Variants in SHISA9 observed in about 807,000 individuals in gnomAD.
SHISA9 encodes the protein shisa family member 9, also known as protein shisa-9.
SHISA9 carries 13 observed loss-of-function variants against 38.0 expected under a neutral mutation model. That is an observed-to-expected ratio of 0.34 (90% CI 0.22 to 0.54). The LOEUF (loss-of-function observed/expected upper bound fraction) is 0.54, where lower values mean the gene tolerates loss of function less well. Among genes scored for constraint, SHISA9 ranks in the 20% least tolerant of loss-of-function variants. The pLI is 0.91. For synonymous variants in SHISA9, 275 were observed against 242.0 expected (o/e 1.14, Z -1.27); for missense variants, 538 against 575.8 (o/e 0.93, Z 0.67).
chr16:13,093,906 T>C (rs143584657), intron 2 of SHISA9, among the ~76,000 whole-genome samples: 2 of 152,230 alleles, frequency 1.3e-5, no homozygotes, highest in Non-Finnish European at 2.9e-5. Context: ...AGGATTTAAA[T>C]AGGTGTGGCT....
At chr16:13,178,418 C>T (rs536157960) in intron 2 of SHISA9, among the ~76,000 whole-genome samples, 107 of 151,762 alleles carry the variant, frequency 7.1e-4, no homozygotes, top group African/African-American at 2.4e-3. Context: ...GACGATGCTT[C>T]TGCCTCCCAT....
At chr16:13,354,837 G>C in the SHISA9 span, among the ~76,000 whole-genome samples, 1 of 152,186 alleles carries the variant, frequency 6.6e-6, no homozygotes, top group Non-Finnish European at 1.5e-5. Flanking sequence ...TTGGCAGGGA[G>C]AGCACGTGTG....
chr16:13,190,338 T>C (rs961470857), intron 2 of SHISA9, among the ~76,000 whole-genome samples: 1 of 151,962 alleles, frequency 6.6e-6, no homozygotes, highest in Non-Finnish European at 1.5e-5. Context: ...AAACACCCTT[T>C]AGTCTTTAGA....
chr16:13,137,405 T>C lies in SHISA9; in HGVS notation c.692-65989T>C, dbSNP rs138949648. Among the ~76,000 whole-genome samples, 13 of 152,276 alleles carry C rather than the reference T, an allele frequency of 8.5e-5. No individual in the cohort carries two copies. In the East Asian group the frequency reaches 2.3e-3, roughly 27 times the overall value. ...ATCTATTAGCATAAATAGTGTTGAATTGATCACACTAGGGAGGCTCGTTAG... is the reference window on the plus strand; with the variant it reads ...ATCTATTAGCATAAATAGTGTTGAACTGATCACACTAGGGAGGCTCGTTAG... On this transcript the variant is annotated intron_variant, in intron 2 of 4. Coordinates refer to ENST00000558583, the MANE Select transcript of SHISA9 (RefSeq NM_001145204.3).
At chr16:12,981,345 ACT>A (rs1406086064) in intron 2 of SHISA9, among the ~76,000 whole-genome samples, 1 of 152,220 alleles carries the variant, frequency 6.6e-6, no homozygotes, top group Non-Finnish European at 1.5e-5. Flanking sequence ...AGGGGCAGGC[ACT>A]GTTTGCCCCA....
the SHISA9 span, among the ~76,000 whole-genome samples, chr16:13,473,072 C>G: frequency 5.3e-5 from 8 of 152,044 alleles, no homozygotes; most frequent in African/African-American, 1.7e-4. Context: ...GTAAATTATG[C>G]CTTGTTGGAT....
chr16:13,530,302 A>G, the SHISA9 span, among the ~76,000 whole-genome samples: 1 of 152,108 alleles, frequency 6.6e-6, no homozygotes, highest in East Asian at 1.9e-4. Context: ...CTCCGTCTCA[A>G]AAAATAAATA....
chr16:12,920,066 G>A (rs544485117), intron 2 of SHISA9, among the ~76,000 whole-genome samples: 2 of 152,262 alleles, frequency 1.3e-5, no homozygotes, highest in East Asian at 1.9e-4. Context: ...GTCTTCTTAA[G>A]GATGGAAGAC....
chr16:13,238,872 A>G lies in SHISA9; in HGVS notation c.*3463A>G, dbSNP rs1423406959. 1 of 147,566 alleles carries G rather than the reference A, an allele frequency of 6.8e-6. No homozygotes were observed. Among genetic ancestry groups the G allele is most frequent in the African/African-American group, 2.5e-5 (1 of 40,210 alleles). The allele number at this position is 147,566 out of a possible 1,614,324, so 9.1% of individuals were successfully genotyped here. A position where few individuals can be genotyped will look rare whatever the true frequency, so the allele number is the denominator to read the frequency against. On this transcript the variant is annotated 3_prime_UTR_variant, in exon 5 of 5. Coordinates refer to ENST00000558583, the MANE Select transcript of SHISA9 (RefSeq NM_001145204.3). ...TATTATACTTTAAGTTTTAGGGTAC[A>G]TGTGCACAATGTGCAGGTTAGTTAC...
intron 2 of SHISA9, among the ~76,000 whole-genome samples, chr16:13,146,944 T>C (rs1158447307): frequency 6.6e-6 from 1 of 152,222 alleles, no homozygotes; most frequent in Non-Finnish European, 1.5e-5. Flanking sequence ...ATACTTTTTG[T>C]TTGGCACATT....
At chr16:13,015,886 CTTTCTTTCTTTCTTTCTT>C (rs1567182382) in intron 2 of SHISA9, among the ~76,000 whole-genome samples, 11 of 113,338 alleles carry the variant, frequency 9.7e-5, no homozygotes, top group Non-Finnish European at 1.4e-4. Context: ...TTCTTTCTTT[CTTTCTTTCTTTCTTTCTT>C]TCTTTTCTTT....
the SHISA9 span, among the ~76,000 whole-genome samples, chr16:13,511,738 C>G: frequency 1.1e-4 from 16 of 151,618 alleles, no homozygotes; most frequent in African/African-American, 3.6e-4. Flanking sequence ...TCAGAGAGAC[C>G]AAGATAACTG....
chr16:13,289,796 A>G, the SHISA9 span, among the ~76,000 whole-genome samples: 1 of 152,100 alleles, frequency 6.6e-6, no homozygotes, highest in East Asian at 1.9e-4. Flanking sequence ...TTTTTCTTTG[A>G]TCACTGTAAG....
the SHISA9 span, among the ~76,000 whole-genome samples, chr16:13,488,461 A>G: frequency 0.015 from 2,278 of 152,270 alleles, 53 homozygotes; most frequent in African/African-American, 0.051. Flanking sequence ...ACCCTCTTAC[A>G]TATACATTAC....
At chr16:13,193,762 G>T (rs1326106437) in intron 2 of SHISA9, among the ~76,000 whole-genome samples, 1 of 152,226 alleles carries the variant, frequency 6.6e-6, no homozygotes, top group African/African-American at 2.4e-5. Context: ...CAACTGTGTA[G>T]GGCCCATTGC....
the SHISA9 span, chr16:13,350,263 GC>G: frequency 2.0e-5 from 3 of 152,250 alleles, no homozygotes; most frequent in African/African-American, 7.2e-5. Context: ...TGCACTAGTG[GC>G]CCCCTGGGTT....
chr16:13,252,792 C>T, the SHISA9 span, among the ~76,000 whole-genome samples: 1 of 152,192 alleles, frequency 6.6e-6, no homozygotes, highest in East Asian at 1.9e-4. Context: ...ATGCCCTCCA[C>T]CTACCACGGT....
At chr16:13,423,433 T>A in the SHISA9 span, among the ~76,000 whole-genome samples, 1 of 152,190 alleles carries the variant, frequency 6.6e-6, no homozygotes, top group Non-Finnish European at 1.5e-5. Context: ...TACCAAGAGT[T>A]CAATTTCATT....
the SHISA9 span, among the ~76,000 whole-genome samples, chr16:13,490,536 G>A: frequency 6.6e-6 from 1 of 152,228 alleles, no homozygotes; most frequent in Non-Finnish European, 1.5e-5. Context: ...CTGCACCCCA[G>A]CCTGGGCAAC....
Sources: allele counts gnomAD v4.1 joint callset (sites outside exome capture counted in the v4.1 genomes callset), GRCh38; gene constraint gnomAD v4.1.1; transcripts MANE v1.5; gene names NCBI Gene and HGNC (gene_info 2026-07-23, HGNC 2026-07-21).